Variants in ANKRD6 observed in about 807,000 individuals in gnomAD.
ANKRD6 encodes the protein ankyrin repeat domain-containing protein 6.
ANKRD6 carries 56 observed loss-of-function variants against 82.3 expected under a neutral mutation model. That is an observed-to-expected ratio of 0.68 (90% CI 0.55 to 0.85). ANKRD6 has a LOEUF of 0.85. Among genes scored for constraint, ANKRD6 ranks in the 40% least tolerant of loss-of-function variants. The pLI is 0.00. For missense variants in ANKRD6, 852 were observed against 907.6 expected (o/e 0.94, Z 0.79); for synonymous variants, 347 against 352.1 (o/e 0.99, Z 0.16).
At chr6:89,444,061 G>A (rs1771751586) in intron 1 of ANKRD6, among the ~76,000 whole-genome samples, 1 of 152,182 alleles carries the variant, frequency 6.6e-6, no homozygotes, top group Non-Finnish European at 1.5e-5. Context: ...TGAGCACTGT[G>A]GCCCTGCATT....
chr6:89,615,622 C>G (rs1416182667), intron 7 of ANKRD6, among the ~76,000 whole-genome samples: 1 of 152,132 alleles, frequency 6.6e-6, no homozygotes, highest in Non-Finnish European at 1.5e-5. Context: ...TGCAGAGCTT[C>G]CCTTCAATAC....
chr6:89,595,807 G>C, intron 2 of ANKRD6, 109 bp from the exon 3 acceptor site: 2 of 786,446 alleles, frequency 2.5e-6, no homozygotes, highest in Non-Finnish European at 4.3e-6. Flanking sequence ...GGGCAGGAGG[G>C]AGTGATCATC....
intron 2 of ANKRD6, among the ~76,000 whole-genome samples, chr6:89,575,653 T>C (rs1790952421): frequency 6.6e-6 from 1 of 152,204 alleles, no homozygotes; most frequent in South Asian, 2.1e-4. Flanking sequence ...ATAAAACATT[T>C]CCGAATTATT....
rs528436215 is a variant in ANKRD6 at position 89,479,241 on chromosome 6, TG to T, written c.-144+45867del. Among the ~76,000 whole-genome samples the T allele has an allele frequency of 5.5e-4, 84 of 152,354 alleles. 1 individual carries two copies. In the Middle Eastern group the frequency reaches 0.01, roughly 19 times the overall value. On this transcript the variant is annotated intron_variant, in intron 1 of 15. Coordinates refer to ENST00000339746, the MANE Select transcript of ANKRD6 (RefSeq NM_001242809.2). ...GGGATGTATCACTTGAGCTGAATTT[TG>T]AAGAACCACTGGGAGCTTACTTAAC...
intron 1 of ANKRD6, among the ~76,000 whole-genome samples, chr6:89,505,450 C>T (rs893939694): frequency 6.6e-6 from 1 of 152,178 alleles, no homozygotes; most frequent in Non-Finnish European, 1.5e-5. Flanking sequence ...GCCCTCAGAG[C>T]AACTCCCAGA....
chr6:89,467,264 AAAAC>A (rs533860476), intron 1 of ANKRD6, among the ~76,000 whole-genome samples: 529 of 152,324 alleles, frequency 3.5e-3, no homozygotes, highest in Non-Finnish European at 5.5e-3. Context: ...CTCTTAGAGA[AAAAC>A]AACAAATCAG....
intron 1 of ANKRD6, among the ~76,000 whole-genome samples, chr6:89,467,489 A>G (rs1264918378): frequency 6.6e-6 from 1 of 152,172 alleles, no homozygotes; most frequent in East Asian, 1.9e-4. Context: ...TTCCTTAACT[A>G]TTTACTAGAC....
chr6:89,608,368 C>CTATATATATATATATATATATATA (rs1554260576), intron 5 of ANKRD6, among the ~76,000 whole-genome samples: 1 of 130,724 alleles, frequency 7.6e-6, no homozygotes, highest in Non-Finnish European at 1.6e-5. Flanking sequence ...CACACACACA[C>CTATATATATATATATATATATATA]TATATATATA....
chr6:89,495,876 T>G (rs1204986023), intron 1 of ANKRD6, among the ~76,000 whole-genome samples: 1 of 151,920 alleles, frequency 6.6e-6, no homozygotes, highest in Non-Finnish European at 1.5e-5. Context: ...ATTATCTCTG[T>G]TTTTTTTAGG....
chr6:89,628,143 T>A (rs1485812046), intron 14 of ANKRD6: 1 of 170,976 alleles, frequency 5.8e-6, no homozygotes, highest in Non-Finnish European at 1.3e-5. Context: ...GGGTTGAGTT[T>A]AAGGTGGCTC....
chr6:89,471,369 A>G (rs1260676703), intron 1 of ANKRD6, among the ~76,000 whole-genome samples: 1 of 151,302 alleles, frequency 6.6e-6, no homozygotes, highest in Non-Finnish European at 1.5e-5. Context: ...CAAAAAAAAA[A>G]AAAAAAAAAA....
chr6:89,476,028 A>G (rs145138086), intron 1 of ANKRD6, among the ~76,000 whole-genome samples: 1 of 152,380 alleles, frequency 6.6e-6, no homozygotes, highest in African/African-American at 2.4e-5. Flanking sequence ...AGGTACTTTT[A>G]CATGAAAAGT....
chr6:89,626,026 T>C (rs1201047326), intron 13 of ANKRD6, among the ~76,000 whole-genome samples: 1 of 152,226 alleles, frequency 6.6e-6, no homozygotes, highest in Non-Finnish European at 1.5e-5. Context: ...TGATCCACCA[T>C]GCCCTGCCCT....
At chr6:89,522,488 TG>T (rs1170903999) in intron 1 of ANKRD6, among the ~76,000 whole-genome samples, 2 of 152,132 alleles carry the variant, frequency 1.3e-5, no homozygotes. Context: ...GAAATTTGAT[TG>T]GGGGTGTCAT....
At position 89,624,602 on chromosome 6, in the gene ANKRD6, A is replaced by C; in HGVS notation, c.1282A>C (p.Thr428Pro). ...INKLENQLEA[T>P]VEEIKAELGS... Reference sequence around the variant, plus strand: ...CAAGCTGGAGAATCAGTTGGAGGCTACTGTGGAGGAGATAAAAGCAGAGCT... The same window carrying C: ...CAAGCTGGAGAATCAGTTGGAGGCTCCTGTGGAGGAGATAAAAGCAGAGCT... The change falls in exon 13 of 16, where the codon ACT (threonine) becomes CCT (proline). Residue 428 changes from threonine (T) to proline (P), a missense_variant. By Grantham distance (38) the Thr-to-Pro change is conservative. Coordinates refer to ENST00000339746, the MANE Select transcript of ANKRD6 (RefSeq NM_001242809.2). 1 of 1,566,736 alleles carries C rather than the reference A, an allele frequency of 6.4e-7. No homozygotes were observed. The highest frequency in any genetic ancestry group is 8.7e-7 in the Non-Finnish European group (1 of 1,155,244).
At chr6:89,465,090 T>C (rs1007570403) in intron 1 of ANKRD6, among the ~76,000 whole-genome samples, 4 of 152,092 alleles carry the variant, frequency 2.6e-5, no homozygotes, top group African/African-American at 9.7e-5. Flanking sequence ...GTAGTGCATG[T>C]AATTATAGAT....
At chr6:89,586,806 C>A (rs369683836) in intron 2 of ANKRD6, among the ~76,000 whole-genome samples, 1 of 152,174 alleles carries the variant, frequency 6.6e-6, no homozygotes. Flanking sequence ...TCTTAATACC[C>A]AGTTAAGTTG....
At chr6:89,572,531 T>C (rs959024915) in intron 2 of ANKRD6, among the ~76,000 whole-genome samples, 4 of 152,260 alleles carry the variant, frequency 2.6e-5, no homozygotes, top group Admixed American at 6.5e-5. Flanking sequence ...TTTTCAAGCT[T>C]GATGTCCCAT....
At chr6:89,546,463 C>T (rs76545921) in intron 1 of ANKRD6, among the ~76,000 whole-genome samples, 23 of 67,422 alleles carry the variant, frequency 3.4e-4, no homozygotes, top group African/African-American at 1.3e-3. Flanking sequence ...ATTGATTGAT[C>T]GATTGATCGA....
Sources: allele counts gnomAD v4.1 joint callset (sites outside exome capture counted in the v4.1 genomes callset), GRCh38; gene constraint gnomAD v4.1.1; transcripts MANE v1.5; gene names NCBI Gene and HGNC (gene_info 2026-07-23, HGNC 2026-07-21).